The following PCDHA3 variants were observed in gnomAD, a reference collection of about 807,000 sequenced individuals.
PCDHA3 encodes protocadherin alpha 3.
In PCDHA3, 41 loss-of-function variants were observed where a neutral mutation model predicts 62.2. The observed-to-expected ratio is 0.66, with a 90% CI of 0.51 to 0.86. PCDHA3 has a LOEUF of 0.86. Among genes scored for constraint, PCDHA3 ranks in the 40% least tolerant of loss-of-function variants. The pLI is 0.00. For missense variants in PCDHA3, 1,304 were observed against 1,241.2 expected, an observed-to-expected ratio of 1.05 and a Z score of -0.76; for synonymous variants, 640 against 555.4, an observed-to-expected ratio of 1.15 and a Z score of -2.14.
chr5:140,870,405 G>A (rs1226660080), intron 1 of PCDHA3: 1 of 1,614,248 alleles, frequency 6.2e-7, no homozygotes, highest in Non-Finnish European at 8.5e-7. Flanking sequence ...CGCCTTCTCT[G>A]TGGGCCACGG....
In PCDHA3 at chr5:140,828,247, G is replaced by T. The variant is rs2150153072; in HGVS notation, c.2394+24656G>T. 9 of 1,613,862 alleles carry T rather than the reference G, an allele frequency of 5.6e-6. No individual in the cohort carries two copies. The South Asian group carries it at 9.9e-5, about 18-fold the overall frequency. ...TCGTGGGCCGGATCGCGCAGGACCTGGGGCTGGAGCTGGCGGAGCTGGTGC... is the reference window on the plus strand; with the variant it reads ...TCGTGGGCCGGATCGCGCAGGACCTTGGGCTGGAGCTGGCGGAGCTGGTGC... On this transcript the variant is annotated intron_variant, in intron 1 of 3. Coordinates refer to ENST00000522353, the MANE Select transcript of PCDHA3 (RefSeq NM_018906.3).
intron 1 of PCDHA3, chr5:140,870,427 G>C: frequency 6.2e-7 from 1 of 1,614,220 alleles, no homozygotes; most frequent in Non-Finnish European, 8.5e-7. Context: ...CAGGGTATCC[G>C]TGGAGGTGGC....
At chr5:140,888,686 T>C (rs1326536229) in intron 1 of PCDHA3, among the ~76,000 whole-genome samples, 1 of 152,214 alleles carries the variant, frequency 6.6e-6, no homozygotes, top group Non-Finnish European at 1.5e-5. Context: ...AAGAGGTCTC[T>C]CTTCTCTGAT....
chr5:140,924,253 A>G (rs550218351), intron 1 of PCDHA3, among the ~76,000 whole-genome samples: 1 of 152,212 alleles, frequency 6.6e-6, no homozygotes, highest in African/African-American at 2.4e-5. Context: ...TCCTGGTGAG[A>G]TCTAATGAGG....
chr5:140,862,493 C>G, intron 1 of PCDHA3: 1 of 388,776 alleles, frequency 2.6e-6, no homozygotes, highest in East Asian at 6.9e-5. Flanking sequence ...GGTAATCGCT[C>G]GGAATGGGGA....
At position 140,841,479 on chromosome 5, in the gene PCDHA3, G is replaced by A. The variant is rs2150316299; in HGVS notation, c.2394+37888G>A. On this transcript the variant is annotated intron_variant, in intron 1 of 3. Transcript: ENST00000522353. The stretch of plus-strand genomic sequence containing the variant: ...GTGGGCCGGATCGCGCAGGACCTGG[G>A]GCTGGAGCTGGCGGAGCTGGTGCCG... The A allele has an allele frequency of 3.6e-4, 573 of 1,613,084 alleles. 4 individuals are homozygous for A. In the Admixed American group the frequency reaches 9.2e-3, roughly 26 times the overall value.
At chr5:140,993,227 C>T (rs1464075096) in intron 3 of PCDHA3, among the ~76,000 whole-genome samples, 1 of 152,084 alleles carries the variant, frequency 6.6e-6, no homozygotes, top group African/African-American at 2.4e-5. Context: ...TTGGTATGTT[C>T]TCTCTGAATC....
chr5:140,871,211 T>C (rs781784103), intron 1 of PCDHA3: 2 of 1,613,842 alleles, frequency 1.2e-6, no homozygotes, highest in Non-Finnish European at 1.7e-6. Context: ...ATCATCGCCA[T>C]CTGCGTGGTG....
intron 1 of PCDHA3, among the ~76,000 whole-genome samples, chr5:140,922,935 G>A (rs1484457119): frequency 6.6e-6 from 1 of 152,130 alleles, no homozygotes; most frequent in Non-Finnish European, 1.5e-5. Flanking sequence ...TTTACTTCCA[G>A]CAATGGAAAT....
At position 140,803,077 on chromosome 5, in the gene PCDHA3, A is replaced by T. The variant is rs782345607; in HGVS notation, c.1880A>T (p.Tyr627Phe). The change falls in exon 1 of 4, where the codon TAC (tyrosine) becomes TTC (phenylalanine). Residue 627 changes from tyrosine to phenylalanine, a missense_variant. Transcript: ENST00000522353. Reference protein sequence around the residue: ...GARIPFRVGLYTGEISTTRAL... With the variant: ...GARIPFRVGLFTGEISTTRAL... ...CGCATCCCGTTTCGCGTGGGGCTGT[A>T]CACGGGAGAGATCAGCACGACCCGT... 2.5e-6 allele frequency: 4 copies of T among 1,613,816 alleles called. No homozygotes were observed. The highest frequency in any genetic ancestry group is 3.4e-6 in the Non-Finnish European group (4 of 1,179,944).
chr5:140,821,788 C>A, intron 1 of PCDHA3: 2 of 1,611,448 alleles, frequency 1.2e-6, no homozygotes, highest in African/African-American at 1.3e-5. Context: ...GGTATATTCC[C>A]GGAGAGGAAG....
intron 1 of PCDHA3, chr5:140,836,498 C>A: frequency 1.2e-6 from 2 of 1,613,896 alleles, no homozygotes; most frequent in Non-Finnish European, 1.7e-6. Context: ...TCGCCATCTG[C>A]GCGGTGTCCA....
chr5:140,827,196 A>C (rs2150146637), intron 1 of PCDHA3, among the ~76,000 whole-genome samples: 11 of 152,334 alleles, frequency 7.2e-5, no homozygotes, highest in Non-Finnish European at 1.3e-4. Context: ...AAAACTTGGA[A>C]GTGAGTGAGA....
At chr5:140,899,494 T>C (rs1387191802) in intron 1 of PCDHA3, among the ~76,000 whole-genome samples, 3 of 152,250 alleles carry the variant, frequency 2.0e-5, no homozygotes, top group Admixed American at 2.0e-4. Flanking sequence ...GGATTACATT[T>C]ATTGATTTGC....
At chr5:140,990,224 G>T (rs1368393390) in intron 3 of PCDHA3, among the ~76,000 whole-genome samples, 1 of 152,160 alleles carries the variant, frequency 6.6e-6, no homozygotes, top group Non-Finnish European at 1.5e-5. Flanking sequence ...GAAGTTTATT[G>T]TAACTAGCGT....
chr5:140,869,589 T>A, intron 1 of PCDHA3: 1 of 1,614,120 alleles, frequency 6.2e-7, no homozygotes. Context: ...ATGCTGACAT[T>A]GAAGAGAATG....
chr5:140,905,304 C>T (rs1373391378), intron 1 of PCDHA3, among the ~76,000 whole-genome samples: 1 of 152,150 alleles, frequency 6.6e-6, no homozygotes, highest in Non-Finnish European at 1.5e-5. Flanking sequence ...GTCCTTTCCA[C>T]ACTTTGTGTT....
intron 1 of PCDHA3, chr5:140,927,385 C>G: frequency 6.2e-7 from 1 of 1,614,098 alleles, no homozygotes; most frequent in East Asian, 2.2e-5. Flanking sequence ...CAGCCTAAGC[C>G]CCAGTCAGCA....
intron 1 of PCDHA3, among the ~76,000 whole-genome samples, chr5:140,977,702 A>C (rs1420121979): frequency 1.3e-5 from 2 of 152,190 alleles, no homozygotes; most frequent in African/African-American, 4.8e-5. Context: ...AATCTGTCTG[A>C]ATATTGAGAT....
Sources: gnomAD v4.1 joint callset for allele counts (sites outside exome capture counted in the v4.1 genomes callset) on GRCh38, gnomAD v4.1.1 for gene constraint, MANE v1.5 for transcripts, NCBI Gene and HGNC (gene_info 2026-07-23, HGNC 2026-07-21) for gene names.